Variants in AUTS2 observed in about 807,000 individuals in gnomAD.
AUTS2 encodes autism susceptibility gene 2 protein.
A neutral mutation model predicts 112.4 loss-of-function variants in AUTS2; 17 were observed. That is an observed-to-expected ratio of 0.15 (90% CI 0.10 to 0.23). The LOEUF (loss-of-function observed/expected upper bound fraction) is 0.23, where lower values mean the gene tolerates loss of function less well. AUTS2 is among the 10% of genes least tolerant of loss of function. AUTS2 has a pLI of 1.00. For missense variants in AUTS2, 1,510 were observed against 1,701.6 expected, an observed-to-expected ratio of 0.89 and a Z score of 1.98; for synonymous variants, 751 against 702.7, an observed-to-expected ratio of 1.07 and a Z score of -1.09.
chr7:69,929,650 T>C (rs1293901317), intron 2 of AUTS2, among the ~76,000 whole-genome samples: 1 of 152,226 alleles, frequency 6.6e-6, no homozygotes, highest in East Asian at 1.9e-4. Context: ...TCCTATTCAA[T>C]GTGTTTTTCA....
chr7:70,181,539 G>T (rs1287305623), intron 4 of AUTS2, among the ~76,000 whole-genome samples: 1 of 151,094 alleles, frequency 6.6e-6, no homozygotes, highest in Non-Finnish European at 1.5e-5. Context: ...CCAGGCTGGA[G>T]TGCAGTGGCG....
chr7:70,454,500 G>GCA (rs923670830), intron 5 of AUTS2, among the ~76,000 whole-genome samples: 1 of 152,030 alleles, frequency 6.6e-6, no homozygotes, highest in Admixed American at 6.5e-5. Flanking sequence ...TCACGCCATT[G>GCA]CACTCCACCC....
intron 1 of AUTS2, among the ~76,000 whole-genome samples, chr7:69,853,573 A>C (rs1028286734): frequency 3.3e-5 from 5 of 152,090 alleles, no homozygotes; most frequent in Non-Finnish European, 5.9e-5. Context: ...CATTCAACCA[A>C]TCTGTATTTT....
At chr7:70,558,540 C>T (rs1249972500) in intron 5 of AUTS2, among the ~76,000 whole-genome samples, 1 of 152,026 alleles carries the variant, frequency 6.6e-6, no homozygotes, top group Non-Finnish European at 1.5e-5. Flanking sequence ...AAATAAAGCT[C>T]GAGGTAACCA....
intron 1 of AUTS2, among the ~76,000 whole-genome samples, chr7:69,830,484 C>T (rs908379860): frequency 4.6e-5 from 7 of 152,168 alleles, no homozygotes; most frequent in African/African-American, 1.4e-4. Context: ...TCAGATCCAA[C>T]TTTAATGGTT....
chr7:69,613,169 T>C (rs887329480), intron 1 of AUTS2, among the ~76,000 whole-genome samples: 1 of 152,238 alleles, frequency 6.6e-6, no homozygotes, highest in East Asian at 1.9e-4. Flanking sequence ...AAGCTTGGGC[T>C]CCTTATCCCT....
intron 1 of AUTS2, among the ~76,000 whole-genome samples, chr7:69,769,036 T>G (rs1788549257): frequency 6.6e-6 from 1 of 152,148 alleles, no homozygotes; most frequent in Admixed American, 6.5e-5. Context: ...AAGGAAAAAT[T>G]AACAAACACC....
chr7:70,437,837 CA>C (rs35975127), intron 5 of AUTS2: 3,708 of 66,116 alleles, frequency 0.056, 60 homozygotes, highest in Admixed American at 0.14. Context: ...GAGATTCCAT[CA>C]AAAAAAAAAA....
intron 2 of AUTS2, among the ~76,000 whole-genome samples, chr7:69,984,533 A>AT (rs534670121): frequency 2.6e-4 from 39 of 150,694 alleles, no homozygotes; most frequent in East Asian, 5.8e-4. Context: ...GTGAGCATGC[A>AT]TTTTTTTTTA....
chr7:70,429,348 C>A (rs933561226), intron 4 of AUTS2, among the ~76,000 whole-genome samples: 1 of 152,182 alleles, frequency 6.6e-6, no homozygotes, highest in Admixed American at 6.5e-5. Flanking sequence ...TGGCAAACAA[C>A]GGCAGTACAG....
intron 4 of AUTS2, among the ~76,000 whole-genome samples, chr7:70,357,974 A>G (rs938668054): frequency 7.6e-6 from 1 of 131,960 alleles, no homozygotes; most frequent in African/African-American, 3.4e-5. Flanking sequence ...CATTGAGAGC[A>G]TGGAGGTTGG....
At chr7:69,754,728 AATCTGCAT>A in intron 1 of AUTS2, among the ~76,000 whole-genome samples, 1 of 152,156 alleles carries the variant, frequency 6.6e-6, no homozygotes, top group East Asian at 1.9e-4. Flanking sequence ...AACTTTAAGT[AATCTGCAT>A]ATCTTAGCTC....
At chr7:70,477,318 G>A (rs764968052) in intron 5 of AUTS2, among the ~76,000 whole-genome samples, 3 of 152,114 alleles carry the variant, frequency 2.0e-5, no homozygotes, top group Admixed American at 6.5e-5. Flanking sequence ...CCGTCATCTT[G>A]TTTGAAAAAA....
intron 2 of AUTS2, among the ~76,000 whole-genome samples, chr7:69,947,566 C>T (rs921088304): frequency 1.3e-5 from 2 of 152,102 alleles, no homozygotes; most frequent in African/African-American, 4.8e-5. Flanking sequence ...ATTTTAGATA[C>T]TGTAATATAA....
intron 4 of AUTS2, among the ~76,000 whole-genome samples, chr7:70,245,144 GTATATATA>G (rs71077638): frequency 2.8e-5 from 3 of 108,998 alleles, no homozygotes; most frequent in African/African-American, 1.2e-4. Flanking sequence ...GTGTGTGTGT[GTATATATA>G]TATATATATA....
At chr7:70,514,155 T>C (rs35947731) in intron 5 of AUTS2, among the ~76,000 whole-genome samples, 12,325 of 152,288 alleles carry the variant, frequency 0.081, 602 homozygotes, top group African/African-American at 0.12. Context: ...ATTATTTTAT[T>C]ATGTGAATAA....
chr7:69,889,635 AT>A (rs946760005), intron 1 of AUTS2, among the ~76,000 whole-genome samples: 1 of 152,090 alleles, frequency 6.6e-6, no homozygotes, highest in Non-Finnish European at 1.5e-5. Flanking sequence ...GTCTAGTCAG[AT>A]TTTTTTTAAA....
chr7:70,184,539 G>A (rs192443169), intron 4 of AUTS2, among the ~76,000 whole-genome samples: 90 of 152,258 alleles, frequency 5.9e-4, no homozygotes, highest in African/African-American at 1.9e-3. Context: ...CTGACAACTC[G>A]ATTATGGTCA....
rs1798702399 is a variant in AUTS2, at chr7:69,990,504, C to CACCA, written c.522+91006_522+91007insACCA. 2.0e-5 allele frequency among the ~76,000 whole-genome samples: 3 copies of CACCA among 152,056 alleles called. No individual in the cohort carries two copies. In the South Asian group the frequency reaches 6.2e-4, roughly 32 times the overall value. On this transcript the variant is annotated intron_variant, in intron 2 of 18. Transcript: ENST00000342771. ...ACTGTTCTTCAAACCAAAATGACTACTAAGAGGTGTGCGTGTGTGTTTGTG... is the reference window on the plus strand; with the variant it reads ...ACTGTTCTTCAAACCAAAATGACTACACCATAAGAGGTGTGCGTGTGTGTTTGTG...
Sources: gnomAD v4.1 joint callset for allele counts (sites outside exome capture counted in the v4.1 genomes callset) on GRCh38, gnomAD v4.1.1 for gene constraint, MANE v1.5 for transcripts, NCBI Gene and HGNC (gene_info 2026-07-23, HGNC 2026-07-21) for gene names.